Variants in NLGN1 observed in about 807,000 individuals in gnomAD.
NLGN1 encodes the protein neuroligin-1.
A neutral mutation model predicts 65.5 loss-of-function variants in NLGN1; 12 were observed. That is an observed-to-expected ratio of 0.18 (90% CI 0.12 to 0.30). The LOEUF is 0.30. NLGN1 is among the 10% of genes least tolerant of loss of function. NLGN1 has a pLI of 1.00. For missense variants in NLGN1, 750 were observed against 1,007.1 expected (o/e 0.74, Z 3.46); for synonymous variants, 350 against 359.5 (o/e 0.97, Z 0.30).
At chr3:173,593,936 A>T (rs868610324) in intron 2 of NLGN1, among the ~76,000 whole-genome samples, 1 of 152,178 alleles carries the variant, frequency 6.6e-6, no homozygotes, top group South Asian at 2.1e-4. Flanking sequence ...ATTCACTACC[A>T]TGAGAACAGT....
chr3:173,927,168 A>T (rs1743159517), intron 4 of NLGN1, among the ~76,000 whole-genome samples: 1 of 151,956 alleles, frequency 6.6e-6, no homozygotes, highest in Admixed American at 6.6e-5. Context: ...GGTTCAAGGG[A>T]TTCTCCTGCC....
intron 4 of NLGN1, among the ~76,000 whole-genome samples, chr3:174,032,979 CATATATATAGATATAGATCTATCT>C: frequency 7.6e-6 from 1 of 132,174 alleles, no homozygotes; most frequent in East Asian, 2.4e-4. Context: ...ATATTTAGGT[CATATATATAGATATAGATCTATCT>C]ATATATATAG....
chr3:173,957,815 T>A (rs1712472037), intron 4 of NLGN1, among the ~76,000 whole-genome samples: 2 of 152,222 alleles, frequency 1.3e-5, no homozygotes, highest in African/African-American at 4.8e-5. Flanking sequence ...TCGGTTTTGC[T>A]TGGGCCTGCT....
rs148763657 is a variant in NLGN1, at chr3:173,843,312, T to G, written c.646+35480T>G. ...AGACCTCTGACGTGCCCCGAAGACATTTTTCCTATTGTCTTGGGGATTAGC... is the reference window on the plus strand; with the variant it reads ...AGACCTCTGACGTGCCCCGAAGACAGTTTTCCTATTGTCTTGGGGATTAGC... On this transcript the variant is annotated intron_variant, in intron 4 of 6. Transcript: ENST00000457714. Among the ~76,000 whole-genome samples the G allele has an allele frequency of 5.4e-3, 795 of 148,068 alleles. 3 individuals are homozygous for G. Among genetic ancestry groups the G allele is most frequent in the Non-Finnish European group, 7.8e-3 (533 of 67,948 alleles).
At chr3:173,733,283 A>AC (rs2150066868) in intron 3 of NLGN1, among the ~76,000 whole-genome samples, 1 of 152,196 alleles carries the variant, frequency 6.6e-6, no homozygotes, top group Admixed American at 6.6e-5. Flanking sequence ...AAATCTTGCA[A>AC]AACTTTCAGG....
chr3:173,486,127 C>T (rs1371501483), intron 2 of NLGN1, among the ~76,000 whole-genome samples: 1 of 152,128 alleles, frequency 6.6e-6, no homozygotes, highest in East Asian at 1.9e-4. Context: ...TCACTGCAAC[C>T]TCTGCCTCCC....
chr3:173,599,766 A>G (rs1045349957), intron 2 of NLGN1, among the ~76,000 whole-genome samples: 1 of 152,100 alleles, frequency 6.6e-6, no homozygotes, highest in Non-Finnish European at 1.5e-5. Flanking sequence ...GTATTTGCAA[A>G]CTTGTCTGTT....
intron 4 of NLGN1, among the ~76,000 whole-genome samples, chr3:174,249,437 A>T (rs534059342): frequency 1.3e-5 from 2 of 152,258 alleles, no homozygotes; most frequent in African/African-American, 4.8e-5. Context: ...TAAACAGGAG[A>T]TGCAAAGAAT....
chr3:173,715,094 G>A (rs1769622463), intron 3 of NLGN1, among the ~76,000 whole-genome samples: 1 of 152,084 alleles, frequency 6.6e-6, no homozygotes, highest in Non-Finnish European at 1.5e-5. Context: ...TGAAAGGTGG[G>A]GGAGAGAGAG....
At chr3:174,006,820 G>A (rs1724518469) in intron 4 of NLGN1, among the ~76,000 whole-genome samples, 1 of 152,088 alleles carries the variant, frequency 6.6e-6, no homozygotes, top group Non-Finnish European at 1.5e-5. Context: ...TGTAACCCCA[G>A]CACTCTGGGA....
intron 4 of NLGN1, among the ~76,000 whole-genome samples, chr3:173,837,030 A>G (rs907718507): frequency 1.3e-5 from 2 of 152,152 alleles, no homozygotes; most frequent in Non-Finnish European, 1.5e-5. Flanking sequence ...ATCTAAGTAT[A>G]TTTACATAAT....
chr3:173,787,186 T>G (rs184348202), intron 3 of NLGN1, among the ~76,000 whole-genome samples: 1 of 152,330 alleles, frequency 6.6e-6, no homozygotes, highest in African/African-American at 2.4e-5. Context: ...TCTTAGTGTA[T>G]TTAAAATTTA....
At chr3:173,787,634 T>G (rs926394082) in intron 3 of NLGN1, among the ~76,000 whole-genome samples, 4 of 152,188 alleles carry the variant, frequency 2.6e-5, no homozygotes, top group African/African-American at 7.2e-5. Context: ...GCATGAGGCC[T>G]CTTATCCCAT....
chr3:173,892,902 T>C (rs1238067505), intron 4 of NLGN1, among the ~76,000 whole-genome samples: 4 of 152,198 alleles, frequency 2.6e-5, no homozygotes, highest in African/African-American at 9.6e-5. Context: ...AACAATATTG[T>C]ACTATCTTGG....
chr3:173,531,158 A>G (rs1736500585), intron 2 of NLGN1, among the ~76,000 whole-genome samples: 1 of 152,148 alleles, frequency 6.6e-6, no homozygotes, highest in Non-Finnish European at 1.5e-5. Flanking sequence ...ATGTTTAAGC[A>G]TACAAATCTA....
chr3:173,502,834 T>A (rs1182450598), intron 2 of NLGN1, among the ~76,000 whole-genome samples: 2 of 152,090 alleles, frequency 1.3e-5, no homozygotes, highest in African/African-American at 4.8e-5. Flanking sequence ...TGTTAAAATA[T>A]TCAGAGGAAA....
intron 2 of NLGN1, among the ~76,000 whole-genome samples, chr3:173,554,963 T>C (rs1268096033): frequency 6.6e-6 from 1 of 152,196 alleles, no homozygotes; most frequent in Non-Finnish European, 1.5e-5. Context: ...GGATGAGAAA[T>C]TGTATCTCAT....
At chr3:174,252,726 A>C (rs1440697698) in intron 4 of NLGN1, among the ~76,000 whole-genome samples, 1 of 152,178 alleles carries the variant, frequency 6.6e-6, no homozygotes, top group East Asian at 1.9e-4. Context: ...TTTAGGATAC[A>C]TCAAAATCAC....
intron 4 of NLGN1, among the ~76,000 whole-genome samples, chr3:173,956,251 G>T (rs1265188093): frequency 2.6e-5 from 4 of 152,082 alleles, no homozygotes; most frequent in Non-Finnish European, 5.9e-5. Context: ...ATCAAGACAA[G>T]AATACAGCCT....
Sources: allele counts gnomAD v4.1 joint callset (sites outside exome capture counted in the v4.1 genomes callset), GRCh38; gene constraint gnomAD v4.1.1; transcripts MANE v1.5; gene names NCBI Gene and HGNC (gene_info 2026-07-23, HGNC 2026-07-21).